The following FTCDNL1 variants were observed in gnomAD, a reference collection of about 807,000 sequenced individuals.
The protein encoded by FTCDNL1 is formiminotransferase N-terminal subdomain-containing protein.
FTCDNL1 carries 11 observed loss-of-function variants against 5.9 expected under a neutral mutation model. The ratio of observed to expected loss-of-function variants is 1.87; its 90% CI spans 1.18 to 3.10. FTCDNL1 has a LOEUF of 3.10. Among genes scored for constraint, FTCDNL1 ranks in the 30% most tolerant of loss-of-function variants. The probability of loss-of-function intolerance (pLI) is 0.00; values close to 1 mark genes in which losing one functional copy is unlikely to be tolerated. For synonymous variants in FTCDNL1, 58 were observed against 24.8 expected, an observed-to-expected ratio of 2.34 and a Z score of -3.99; for missense variants, 115 against 65.5, an observed-to-expected ratio of 1.76 and a Z score of -2.61.
the FTCDNL1 span, among the ~76,000 whole-genome samples, chr2:199,722,037 G>C: frequency 6.6e-6 from 1 of 152,184 alleles, no homozygotes; most frequent in Non-Finnish European, 1.5e-5. Context: ...ACCTTTGTCA[G>C]ATGGATAGAC....
the FTCDNL1 span, among the ~76,000 whole-genome samples, chr2:199,746,205 A>G: frequency 6.6e-6 from 1 of 152,206 alleles, no homozygotes; most frequent in Admixed American, 6.5e-5. Flanking sequence ...TGCATCTTGC[A>G]TTCTTTCTTA....
At chr2:199,681,862 C>A in the FTCDNL1 span, among the ~76,000 whole-genome samples, 1 of 151,994 alleles carries the variant, frequency 6.6e-6, no homozygotes, top group Non-Finnish European at 1.5e-5. Context: ...TCTCTATTAA[C>A]CATTCTCTGC....
the FTCDNL1 span, among the ~76,000 whole-genome samples, chr2:199,696,635 C>CA: frequency 9.0e-3 from 1,268 of 140,460 alleles, 7 homozygotes; most frequent in Non-Finnish European, 0.011. Flanking sequence ...AATATAAAAG[C>CA]AAAAAAAAAA....
chr2:199,681,905 G>T, the FTCDNL1 span, among the ~76,000 whole-genome samples: 1 of 37,920 alleles, frequency 2.6e-5, no homozygotes, highest in African/African-American at 5.0e-5. Context: ...CTGCTCCAAG[G>T]AGTGTGTGTG....
the FTCDNL1 span, among the ~76,000 whole-genome samples, chr2:199,680,150 A>C: frequency 6.6e-6 from 1 of 152,222 alleles, no homozygotes; most frequent in Admixed American, 6.5e-5. Flanking sequence ...CGCTTAGGTT[A>C]AAAGATTAAA....
At chr2:199,666,110 A>G in the FTCDNL1 span, among the ~76,000 whole-genome samples, 1 of 152,350 alleles carries the variant, frequency 6.6e-6, no homozygotes, top group South Asian at 2.1e-4. Context: ...TAAATATGGA[A>G]TAATATAGGA....
chr2:199,826,920 G>A (rs759486132), intron 3 of FTCDNL1, among the ~76,000 whole-genome samples: 24 of 152,100 alleles, frequency 1.6e-4, no homozygotes, highest in Non-Finnish European at 3.4e-4. Context: ...TAATAAATGC[G>A]GAAGTGATGA....
the FTCDNL1 span, among the ~76,000 whole-genome samples, chr2:199,676,978 G>A: frequency 6.6e-6 from 1 of 152,130 alleles, no homozygotes; most frequent in African/African-American, 2.4e-5. Flanking sequence ...ATATCTTCTT[G>A]TTTATGAAGC....
chr2:199,714,207 TGAG>T, the FTCDNL1 span, among the ~76,000 whole-genome samples: 2 of 152,040 alleles, frequency 1.3e-5, no homozygotes, highest in African/African-American at 4.8e-5. Context: ...CTGAAAACAA[TGAG>T]GATAGGCTCC....
the FTCDNL1 span, among the ~76,000 whole-genome samples, chr2:199,674,277 A>C: frequency 2.0e-5 from 3 of 152,172 alleles, no homozygotes; most frequent in Non-Finnish European, 4.4e-5. Context: ...ATGCCATGAC[A>C]GCTCAAGTGA....
At position 199,798,575 on chromosome 2, in the gene FTCDNL1, A is replaced by C. The variant is rs182403166; in HGVS notation, c.212-37740T>G. On this transcript the variant is annotated intron_variant, in intron 3 of 3. Coordinates refer to the FTCDNL1 transcript ENST00000416668. ...CTGAGACATTTCCCTCACTTCCTTG[A>C]AAGAGTAGCATGACCCTTCTTCTCA... Among the ~76,000 whole-genome samples the C allele has an allele frequency of 6.6e-5, 10 of 152,270 alleles. No individual in the cohort carries two copies. The East Asian group carries it at 1.9e-3, about 29-fold the overall frequency.
the FTCDNL1 span, among the ~76,000 whole-genome samples, chr2:199,668,969 CT>C: frequency 2.5e-4 from 38 of 151,448 alleles, no homozygotes; most frequent in African/African-American, 8.5e-4. Context: ...TCAAGCTTTT[CT>C]TTTTTTTTCC....
the FTCDNL1 span, among the ~76,000 whole-genome samples, chr2:199,726,841 T>A: frequency 1.3e-5 from 2 of 152,172 alleles, no homozygotes; most frequent in African/African-American, 4.8e-5. Flanking sequence ...CACTCCTGTA[T>A]AAGGTGTTTG....
intron 3 of FTCDNL1, among the ~76,000 whole-genome samples, chr2:199,769,951 AATCCTATCT>A (rs1450546840): frequency 6.6e-6 from 1 of 151,814 alleles, no homozygotes; most frequent in African/African-American, 2.4e-5. Flanking sequence ...AACCTACCCA[AATCCTATCT>A]ATCCTCTAAA....
chr2:199,847,705 A>T (rs1332062345), intron 2 of FTCDNL1, among the ~76,000 whole-genome samples: 1 of 152,224 alleles, frequency 6.6e-6, no homozygotes, highest in African/African-American at 2.4e-5. Context: ...CCAGGCATCC[A>T]TCAGTGTGTG....
At chr2:199,821,316 A>ATTT (rs34899809) in intron 3 of FTCDNL1, among the ~76,000 whole-genome samples, 8 of 133,898 alleles carry the variant, frequency 6.0e-5, no homozygotes, top group Admixed American at 7.5e-5. Flanking sequence ...AGCCTGGCTA[A>ATTT]TTTTTTTTTT....
intron 3 of FTCDNL1, among the ~76,000 whole-genome samples, chr2:199,832,493 T>C (rs995123408): frequency 2.0e-5 from 3 of 152,202 alleles, no homozygotes; most frequent in African/African-American, 4.8e-5. Flanking sequence ...AAATAGGTAC[T>C]GAATATCATT....
At chr2:199,798,702 T>G (rs1700291639) in intron 3 of FTCDNL1, among the ~76,000 whole-genome samples, 1 of 152,220 alleles carries the variant, frequency 6.6e-6, no homozygotes, top group Admixed American at 6.5e-5. Context: ...TCTCTCCCCT[T>G]GGTTCTCCCA....
intron 3 of FTCDNL1, among the ~76,000 whole-genome samples, chr2:199,792,129 A>G (rs869086467): frequency 6.6e-6 from 1 of 152,108 alleles, no homozygotes; most frequent in Non-Finnish European, 1.5e-5. Flanking sequence ...GAAAAAGCAA[A>G]TGGTGGGAGA....
Sources: gnomAD v4.1 joint callset for allele counts (sites outside exome capture counted in the v4.1 genomes callset) on GRCh38, gnomAD v4.1.1 for gene constraint, MANE v1.5 for transcripts, NCBI Gene and HGNC (gene_info 2026-07-23, HGNC 2026-07-21) for gene names.